AATF: variants seen among roughly 807,000 people sequenced by gnomAD.
AATF encodes protein AATF.
In AATF, 48 loss-of-function variants were observed where a neutral mutation model predicts 63.7. The ratio of observed to expected loss-of-function variants is 0.75; its 90% confidence interval spans 0.60 to 0.96. AATF has a LOEUF of 0.96. AATF is among the 40% of genes least tolerant of loss of function. The probability of loss-of-function intolerance (pLI) is 0.00; values close to 1 mark genes in which losing one functional copy is unlikely to be tolerated. For synonymous variants in AATF, 258 were observed against 247.7 expected (o/e 1.04, Z -0.39); for missense variants, 639 against 685.7 (o/e 0.93, Z 0.76).
chr17:36,970,735 T>G (rs1212836192), intron 4 of AATF, among the ~76,000 whole-genome samples: 1 of 151,766 alleles, frequency 6.6e-6, no homozygotes, highest in African/African-American at 2.4e-5. Flanking sequence ...AGAGATGAGG[T>G]CTTGTTACGT....
chr17:37,034,445 G>A (rs969968881), intron 11 of AATF, among the ~76,000 whole-genome samples: 1 of 152,034 alleles, frequency 6.6e-6, no homozygotes, highest in Non-Finnish European at 1.5e-5. Flanking sequence ...ACCACAAATA[G>A]GAAGCTTTCA....
intron 4 of AATF, among the ~76,000 whole-genome samples, chr17:36,960,555 A>C (rs1210392482): frequency 1.3e-5 from 2 of 152,160 alleles, no homozygotes; most frequent in Non-Finnish European, 2.9e-5. Context: ...CAGGCAACCA[A>C]TTTTATCACT....
At chr17:36,954,950 G>A (rs1414383705) in intron 4 of AATF, among the ~76,000 whole-genome samples, 4 of 152,040 alleles carry the variant, frequency 2.6e-5, no homozygotes, top group Non-Finnish European at 5.9e-5. Flanking sequence ...CCTCATGAAA[G>A]AGATATCTAT....
intron 11 of AATF, among the ~76,000 whole-genome samples, chr17:37,037,372 AG>A (rs1248128709): frequency 6.6e-6 from 1 of 152,204 alleles, no homozygotes; most frequent in Non-Finnish European, 1.5e-5. Flanking sequence ...CAGAGCTATC[AG>A]TGGCCTAAGG....
chr17:36,991,000 A>G, intron 8 of AATF, 143 bp downstream of exon 8: 2 of 524,610 alleles, frequency 3.8e-6, no homozygotes, highest in East Asian at 6.7e-5. Context: ...AAATTGACTT[A>G]CAGTGTCATT....
At chr17:37,002,651 G>A (rs1242276194) in intron 8 of AATF, among the ~76,000 whole-genome samples, 2 of 148,824 alleles carry the variant, frequency 1.3e-5, no homozygotes, top group African/African-American at 2.5e-5. Flanking sequence ...CAGCCTGGGT[G>A]AAAGAGCAAG....
chr17:37,017,114 C>T (rs1211160403), intron 8 of AATF, among the ~76,000 whole-genome samples: 1 of 152,208 alleles, frequency 6.6e-6, no homozygotes, highest in Non-Finnish European at 1.5e-5. Flanking sequence ...GCATATTCTT[C>T]CCGAGGATCA....
intron 10 of AATF, among the ~76,000 whole-genome samples, chr17:37,021,614 G>A (rs1193411441): frequency 6.6e-6 from 1 of 151,828 alleles, no homozygotes; most frequent in Admixed American, 6.6e-5. Context: ...GAGTGACAGA[G>A]CGAGATTCTA....
At chr17:36,967,861 CT>C (rs372660652) in intron 4 of AATF, among the ~76,000 whole-genome samples, 7,804 of 123,158 alleles carry the variant, frequency 0.063, 336 homozygotes, top group African/African-American at 0.21. Flanking sequence ...CAGACCTTGC[CT>C]TTTTTTTTTT....
At chr17:36,960,902 A>G (rs1252948901) in intron 4 of AATF, among the ~76,000 whole-genome samples, 3 of 152,206 alleles carry the variant, frequency 2.0e-5, no homozygotes, top group Non-Finnish European at 4.4e-5. Flanking sequence ...TTATAAAAGT[A>G]TGTCATGCTT....
At chr17:36,961,079 T>A (rs2142212225) in intron 4 of AATF, among the ~76,000 whole-genome samples, 1 of 152,330 alleles carries the variant, frequency 6.6e-6, no homozygotes, top group Non-Finnish European at 1.5e-5. Context: ...GAAAATGGAA[T>A]CATATAAGTA....
At chr17:37,025,237 G>A (rs538033343) in intron 10 of AATF, among the ~76,000 whole-genome samples, 1 of 152,184 alleles carries the variant, frequency 6.6e-6, no homozygotes, top group Non-Finnish European at 1.5e-5. Context: ...TTTTGAGGGA[G>A]GGAGTGGATT....
intron 11 of AATF, among the ~76,000 whole-genome samples, chr17:37,049,522 G>A (rs544257755): frequency 4.0e-5 from 6 of 151,708 alleles, no homozygotes; most frequent in African/African-American, 1.2e-4. Flanking sequence ...GGAGAATGGC[G>A]TGAACCTGGG....
At chr17:37,019,672 T>G (rs1349458158) in intron 9 of AATF, among the ~76,000 whole-genome samples, 2 of 152,190 alleles carry the variant, frequency 1.3e-5, no homozygotes, top group African/African-American at 2.4e-5. Context: ...TAAATAGCCA[T>G]GAGCCATAAT....
intron 11 of AATF, chr17:37,052,347 G>A (rs892639510): frequency 6.6e-6 from 1 of 152,186 alleles, no homozygotes; most frequent in African/African-American, 2.4e-5. Context: ...TGCAGCCGGG[G>A]GGAAATGTTT....
chr17:36,963,806 A>G (rs1219471674), intron 4 of AATF, among the ~76,000 whole-genome samples: 2 of 152,230 alleles, frequency 1.3e-5, no homozygotes, highest in Non-Finnish European at 2.9e-5. Flanking sequence ...CTTATCTAGC[A>G]ACATGGTGGG....
chr17:36,961,825 C>T (rs1164410204), intron 4 of AATF, among the ~76,000 whole-genome samples: 1 of 152,134 alleles, frequency 6.6e-6, no homozygotes, highest in Non-Finnish European at 1.5e-5. Flanking sequence ...CAGGCATCCA[C>T]CACCGTGCCT....
At position 36,968,263 on chromosome 17, in the gene AATF, CTTCT is replaced by C. The variant is rs2071008898; in HGVS notation, c.832+14363_832+14366del. 2.8e-3 allele frequency among the ~76,000 whole-genome samples: 248 copies of C among 88,208 alleles called. 37 individuals are homozygous for C. Among genetic ancestry groups the C allele is most frequent in the African/African-American group, 0.015 (228 of 15,078 alleles). The allele number at this position is 88,208 out of a possible 152,430, so 57.9% of individuals were successfully genotyped here. A position where few individuals can be genotyped will look rare whatever the true frequency, so the allele number is the denominator to read the frequency against. On this transcript the variant is annotated intron_variant, in intron 4 of 11. Coordinates refer to ENST00000619387, the MANE Select transcript of AATF (RefSeq NM_012138.4). ...TTTCTTTTTTCTTTTTCTTTCTTTC[CTTCT>C]TTCTTTTTTTTTTTTTTTTTTTTTT...
intron 8 of AATF, among the ~76,000 whole-genome samples, chr17:37,009,922 GAGA>G (rs989557584): frequency 2.0e-5 from 3 of 151,126 alleles, no homozygotes; most frequent in Non-Finnish European, 2.9e-5. Context: ...TAAGACATGT[GAGA>G]AGGAGAATAT....
Sources: allele counts gnomAD v4.1 joint callset (sites outside exome capture counted in the v4.1 genomes callset), GRCh38; gene constraint gnomAD v4.1.1; transcripts MANE v1.5; gene names NCBI Gene and HGNC (gene_info 2026-07-23, HGNC 2026-07-21).